Variants in FRMD5 observed in about 807,000 individuals in gnomAD.
FRMD5 encodes FERM domain containing 5, also known as FERM domain-containing protein 5.
Under a neutral mutation model 69.0 loss-of-function variants are expected in FRMD5, and 20 were observed. The observed-to-expected ratio is 0.29, with a 90% CI of 0.20 to 0.42. The LOEUF is 0.42. FRMD5 is among the 10% of genes least tolerant of loss of function. The pLI is 1.00. For missense variants in FRMD5, 595 were observed against 708.6 expected (o/e 0.84, Z 1.82); for synonymous variants, 271 against 260.1 (o/e 1.04, Z -0.40).
intron 8 of FRMD5, among the ~76,000 whole-genome samples, chr15:43,889,750 C>T (rs1414568626): frequency 1.3e-5 from 2 of 152,324 alleles, no homozygotes; most frequent in East Asian, 1.9e-4. Context: ...CTCCTCACTT[C>T]CCTTCTATCT....
At chr15:44,019,531 T>A (rs539255119) in intron 1 of FRMD5, among the ~76,000 whole-genome samples, 2 of 149,176 alleles carry the variant, frequency 1.3e-5, no homozygotes, top group African/African-American at 4.9e-5. Flanking sequence ...AGATCCGGAG[T>A]TCGAGACCAG....
intron 1 of FRMD5, among the ~76,000 whole-genome samples, chr15:43,939,256 C>T (rs1595538858): frequency 2.6e-5 from 4 of 152,204 alleles, no homozygotes; most frequent in South Asian, 4.2e-4. Context: ...TCCCAAATCC[C>T]CCAGATGGGG....
intron 13 of FRMD5, chr15:43,876,214 T>C (rs2140335290): frequency 6.3e-7 from 1 of 1,590,826 alleles, no homozygotes; most frequent in African/African-American, 1.3e-5. Flanking sequence ...TTCCCCGCTT[T>C]TCCAGAACCA....
At chr15:44,174,180 T>C (rs2077853235) in intron 1 of FRMD5, among the ~76,000 whole-genome samples, 1 of 152,126 alleles carries the variant, frequency 6.6e-6, no homozygotes, top group African/African-American at 2.4e-5. Flanking sequence ...CCAAAGCCAA[T>C]CTCAGAATTG....
intron 1 of FRMD5, among the ~76,000 whole-genome samples, chr15:44,054,962 C>G (rs1892812015): frequency 6.6e-6 from 1 of 151,110 alleles, no homozygotes; most frequent in South Asian, 2.1e-4. Context: ...CCCAGCTACT[C>G]AGGAGGCTGA....
chr15:44,111,804 G>A (rs941024797), intron 1 of FRMD5, among the ~76,000 whole-genome samples: 2 of 151,918 alleles, frequency 1.3e-5, no homozygotes, highest in Non-Finnish European at 2.9e-5. Context: ...AAGTCAACAC[G>A]AGGAAACCCA....
chr15:43,970,954 G>T, intron 1 of FRMD5, among the ~76,000 whole-genome samples: 1 of 152,052 alleles, frequency 6.6e-6, no homozygotes, highest in Non-Finnish European at 1.5e-5. Context: ...AGGCCCTTTA[G>T]AAATTTGAAT....
intron 1 of FRMD5, among the ~76,000 whole-genome samples, chr15:44,121,075 C>T (rs912426607): frequency 3.3e-5 from 5 of 151,626 alleles, no homozygotes; most frequent in African/African-American, 1.2e-4. Context: ...AGTATAACCC[C>T]CTGAAGGAAG....
chr15:44,046,275 A>G (rs1368280934), intron 1 of FRMD5, among the ~76,000 whole-genome samples: 1 of 152,194 alleles, frequency 6.6e-6, no homozygotes, highest in Non-Finnish European at 1.5e-5. Flanking sequence ...AACTCAAGAG[A>G]AAATAAAAAG....
chr15:44,180,052 T>TA lies in FRMD5; in HGVS notation c.102+14900dup, dbSNP rs5812269. Among the ~76,000 whole-genome samples the TA allele has an allele frequency of 1.5e-4, 15 of 97,456 alleles. No individual in the cohort carries two copies. The East Asian group carries it at 1.7e-3, about 11-fold the overall frequency. 63.9% of individuals were successfully genotyped at this position (97,456 alleles called of 152,430 possible). ...GACAAGATAGTGAGACTCCATCTCT[T>TA]AAAAAAAAAAAAAAAAAAAAGGCAA... On this transcript the variant is annotated intron_variant, in intron 1 of 13. Transcript: ENST00000417257.
chr15:43,943,219 G>A (rs2089890762), intron 1 of FRMD5, among the ~76,000 whole-genome samples: 2 of 152,090 alleles, frequency 1.3e-5, no homozygotes, highest in South Asian at 2.1e-4. Context: ...TCCAGCCTGG[G>A]CAACAACAGT....
rs142894550 is a variant in FRMD5 at position 43,871,985 on chromosome 15, G to A, written c.*1900C>T. 1.8e-3 allele frequency: 273 copies of A among 152,330 alleles called. No homozygotes were observed. The highest frequency in any genetic ancestry group is 6.0e-3 in the African/African-American group (248 of 41,584). 9.4% of individuals were successfully genotyped at this position (152,330 alleles called of 1,614,324 possible). A position where few individuals can be genotyped will look rare whatever the true frequency, so the allele number is the denominator to read the frequency against. On this transcript the variant is annotated 3_prime_UTR_variant, in exon 14 of 14. Transcript: ENST00000417257. ...TTTTATTGTCTAGAGCAGGATTGGC[G>A]TATTATGGCCTGTAGGCTAAATTCA... is the stretch of plus-strand genomic sequence containing the variant.
chr15:44,114,614 C>G (rs1295544583), intron 1 of FRMD5, among the ~76,000 whole-genome samples: 1 of 152,136 alleles, frequency 6.6e-6, no homozygotes, highest in Non-Finnish European at 1.5e-5. Flanking sequence ...ATTTTTTTGA[C>G]TCTATACTTC....
intron 1 of FRMD5, among the ~76,000 whole-genome samples, chr15:43,991,558 A>G (rs952995549): frequency 1.3e-5 from 2 of 152,222 alleles, no homozygotes; most frequent in African/African-American, 4.8e-5. Context: ...ATTCATTGCC[A>G]AATTGGGCAT....
At chr15:43,951,142 C>G (rs1338461947) in intron 1 of FRMD5, among the ~76,000 whole-genome samples, 1 of 151,994 alleles carries the variant, frequency 6.6e-6, no homozygotes, top group East Asian at 1.9e-4. Context: ...TAAATAGTGC[C>G]AGGCGTGGTG....
intron 1 of FRMD5, among the ~76,000 whole-genome samples, chr15:43,955,304 C>A (rs1333815959): frequency 6.6e-6 from 1 of 152,240 alleles, no homozygotes; most frequent in Non-Finnish European, 1.5e-5. Context: ...TATGTGCTCC[C>A]TCTCCAGGGA....
chr15:43,981,702 CCTT>C (rs1171340970), intron 1 of FRMD5, among the ~76,000 whole-genome samples: 2 of 152,206 alleles, frequency 1.3e-5, no homozygotes, highest in African/African-American at 4.8e-5. Context: ...TAATTAGAAA[CCTT>C]CTGCTAGATG....
chr15:44,153,512 A>G (rs1285191266), intron 1 of FRMD5, among the ~76,000 whole-genome samples: 1 of 152,258 alleles, frequency 6.6e-6, no homozygotes, highest in East Asian at 1.9e-4. Context: ...GTATAGACGA[A>G]TACTAGAATG....
intron 1 of FRMD5, among the ~76,000 whole-genome samples, chr15:44,017,020 T>C (rs1890993026): frequency 6.6e-6 from 1 of 152,020 alleles, no homozygotes; most frequent in African/African-American, 2.4e-5. Context: ...TCTGCCCACC[T>C]CAGCCTCCCA....
Sources: gnomAD v4.1 joint callset for allele counts (sites outside exome capture counted in the v4.1 genomes callset) on GRCh38, gnomAD v4.1.1 for gene constraint, MANE v1.5 for transcripts, NCBI Gene and HGNC (gene_info 2026-07-23, HGNC 2026-07-21) for gene names.